The following CADM2 variants were observed in gnomAD, a reference collection of about 807,000 sequenced individuals.
The protein encoded by CADM2 is cell adhesion molecule 2.
Under a neutral mutation model 49.8 loss-of-function variants are expected in CADM2, and 12 were observed. The ratio of observed to expected loss-of-function variants is 0.24; its 90% CI spans 0.15 to 0.39. The LOEUF (loss-of-function observed/expected upper bound fraction) is 0.39. Among genes scored for constraint, CADM2 ranks in the 10% least tolerant of loss-of-function variants. The pLI is 1.00. For missense variants in CADM2, 378 were observed against 492.3 expected (o/e 0.77, Z 2.20); for synonymous variants, 214 against 175.4 (o/e 1.22, Z -1.74).
chr3:85,347,815 T>G (rs9830051), intron 1 of CADM2, among the ~76,000 whole-genome samples: 66,148 of 145,806 alleles, frequency 0.45, 16,679 homozygotes, highest in East Asian at 0.86. Flanking sequence ...CAGTTTTTTG[T>G]TTTTTTTTTT....
intron 1 of CADM2, among the ~76,000 whole-genome samples, chr3:85,418,970 GAA>G (rs145250965): frequency 1.9e-4 from 28 of 150,740 alleles, no homozygotes; most frequent in African/African-American, 6.8e-4. Flanking sequence ...TTTGAGAGGG[GAA>G]AAAAAAATGA....
intron 1 of CADM2, among the ~76,000 whole-genome samples, chr3:85,020,463 T>C (rs1320030598): frequency 1.3e-5 from 2 of 152,108 alleles, no homozygotes; most frequent in Non-Finnish European, 2.9e-5. Flanking sequence ...GAAATAAAAA[T>C]GGTGTTATGA....
chr3:85,349,804 G>A (rs986880858), intron 1 of CADM2, among the ~76,000 whole-genome samples: 1 of 152,170 alleles, frequency 6.6e-6, no homozygotes, highest in African/African-American at 2.4e-5. Flanking sequence ...CAGAATTTAT[G>A]GAGAATTGGA....
intron 1 of CADM2, among the ~76,000 whole-genome samples, chr3:85,646,448 A>G (rs917845656): frequency 2.0e-5 from 3 of 152,016 alleles, no homozygotes; most frequent in African/African-American, 7.2e-5. Context: ...TTCTCTAAAA[A>G]GAAGTATTCT....
chr3:85,791,502 C>T (rs888755082), intron 2 of CADM2, among the ~76,000 whole-genome samples: 2 of 115,196 alleles, frequency 1.7e-5, no homozygotes, highest in Non-Finnish European at 1.7e-5. Flanking sequence ...GAACAGATGA[C>T]GGAGAGAGGG....
chr3:85,439,787 T>A (rs1284765765), intron 1 of CADM2, among the ~76,000 whole-genome samples: 2 of 152,248 alleles, frequency 1.3e-5, no homozygotes, highest in Non-Finnish European at 2.9e-5. Context: ...TGTGATGGTA[T>A]TTGCATTCTG....
rs12486784 is a variant in CADM2 at position 85,255,594 on chromosome 3, C to G, written c.61+295926C>G. Among the ~76,000 whole-genome samples, 1,017 of 151,732 alleles carry G rather than the reference C, an allele frequency of 6.7e-3. 10 individuals carry two copies. The highest frequency in any genetic ancestry group is 0.011 in the Non-Finnish European group (718 of 67,940). On this transcript the variant is annotated intron_variant, in intron 1 of 9. Coordinates refer to ENST00000383699, the MANE Select transcript of CADM2 (RefSeq NM_001167675.2). Reference sequence around the variant, plus strand: ...CTACTTTATTAGATCCTTGTGAGAACTGAGTGAAAAAAATATGTGTAAAAC... The same window carrying G: ...CTACTTTATTAGATCCTTGTGAGAAGTGAGTGAAAAAAATATGTGTAAAAC...
intron 1 of CADM2, among the ~76,000 whole-genome samples, chr3:85,628,948 A>G (rs2064218619): frequency 6.6e-6 from 1 of 151,598 alleles, no homozygotes. Context: ...GTCTTAATGT[A>G]GCATGACATT....
chr3:85,351,176 T>C (rs1046540967), intron 1 of CADM2, among the ~76,000 whole-genome samples: 1 of 152,062 alleles, frequency 6.6e-6, no homozygotes, highest in African/African-American at 2.4e-5. Flanking sequence ...TCAAATAAAA[T>C]ATTTCTAAAT....
rs1324888409 is a variant in CADM2 at position 85,374,983 on chromosome 3, A to AAAAAAAG, written c.62-351526_62-351520dup. On this transcript the variant is annotated intron_variant, in intron 1 of 9. Coordinates refer to ENST00000383699, the MANE Select transcript of CADM2 (RefSeq NM_001167675.2). ...TCTAGACTTTTGATGGTTGCTCAGGAAAAAAAGAAAAAAGAAAAAGAAAAT... is the reference window on the plus strand; with the variant it reads ...TCTAGACTTTTGATGGTTGCTCAGGAAAAAAAGAAAAAAGAAAAAAGAAAAAGAAAAT... Among the ~76,000 whole-genome samples the AAAAAAAG allele has an allele frequency of 2.0e-5, 3 of 152,122 alleles. No homozygotes were observed. In the East Asian group the frequency reaches 5.8e-4, roughly 29 times the overall value.
At chr3:85,845,587 T>C (rs528005958) in intron 3 of CADM2, among the ~76,000 whole-genome samples, 2 of 152,216 alleles carry the variant, frequency 1.3e-5, no homozygotes, top group South Asian at 4.1e-4. Flanking sequence ...AGTTTTTAGG[T>C]CTCATTGTCA....
chr3:85,628,627 A>G (rs1559953080), intron 1 of CADM2, among the ~76,000 whole-genome samples: 1 of 57,920 alleles, frequency 1.7e-5, no homozygotes, highest in East Asian at 5.6e-4. Context: ...ATACATATAT[A>G]CGCATATATA....
intron 1 of CADM2, among the ~76,000 whole-genome samples, chr3:85,231,182 T>G (rs2107812616): frequency 6.6e-6 from 1 of 152,282 alleles, no homozygotes; most frequent in Admixed American, 6.5e-5. Context: ...AAAGGCTCTA[T>G]CTACAAATAG....
At chr3:85,474,392 A>T (rs894730485) in intron 1 of CADM2, among the ~76,000 whole-genome samples, 1 of 151,826 alleles carries the variant, frequency 6.6e-6, no homozygotes, top group African/African-American at 2.4e-5. Context: ...ACCTGACTCG[A>T]TGAGGCCTAC....
chr3:85,270,490 A>G (rs1183246154), intron 1 of CADM2, among the ~76,000 whole-genome samples: 1 of 151,456 alleles, frequency 6.6e-6, no homozygotes, highest in Non-Finnish European at 1.5e-5. Flanking sequence ...TGTTCAGAAT[A>G]CTAGCCTTAT....
At chr3:86,028,136 G>T (rs1734117047) in intron 8 of CADM2, 1 of 150,598 alleles carries the variant, frequency 6.6e-6, no homozygotes, top group African/African-American at 2.4e-5. Flanking sequence ...CACCAACATG[G>T]CACATGTATA....
chr3:85,235,103 A>G (rs962276727), intron 1 of CADM2, among the ~76,000 whole-genome samples: 34 of 151,914 alleles, frequency 2.2e-4, no homozygotes, highest in African/African-American at 8.2e-4. Flanking sequence ...TCCTTAATCT[A>G]CAATCTGTTA....
intron 1 of CADM2, among the ~76,000 whole-genome samples, chr3:85,055,003 T>G (rs2036025734): frequency 6.6e-6 from 1 of 151,920 alleles, no homozygotes. Flanking sequence ...ATACTTAATA[T>G]CCAGTGCTGA....
chr3:85,516,990 G>A (rs2060919942), intron 1 of CADM2, among the ~76,000 whole-genome samples: 1 of 151,464 alleles, frequency 6.6e-6, no homozygotes, highest in African/African-American at 2.4e-5. Flanking sequence ...TGAACACTTT[G>A]TCATTTTTAT....
Sources: allele counts gnomAD v4.1 joint callset (sites outside exome capture counted in the v4.1 genomes callset), GRCh38; gene constraint gnomAD v4.1.1; transcripts MANE v1.5; gene names NCBI Gene and HGNC (gene_info 2026-07-23, HGNC 2026-07-21).